Variants in POLA1 observed in about 807,000 individuals in gnomAD.
The protein encoded by POLA1 is DNA polymerase alpha 1, catalytic subunit.
POLA1 carries 15 observed loss-of-function variants against 124.0 expected under a neutral mutation model. The ratio of observed to expected loss-of-function variants is 0.12; its 90% CI spans 0.08 to 0.19. The LOEUF (loss-of-function observed/expected upper bound fraction) is 0.19, where lower values mean the gene tolerates loss of function less well. Ranked by LOEUF, POLA1 falls within the 10% of genes least tolerant of loss-of-function variation. The probability of loss-of-function intolerance (pLI) is 1.00; values close to 1 mark genes in which losing one functional copy is unlikely to be tolerated. For synonymous variants in POLA1, 408 were observed against 389.4 expected, an observed-to-expected ratio of 1.05 and a Z score of -0.56; for missense variants, 886 against 1,103.4, an observed-to-expected ratio of 0.80 and a Z score of 2.79.
At chrX:24,876,890 C>T (rs945084326) in intron 34 of POLA1, among the ~76,000 whole-genome samples, 1 of 111,839 alleles carries the variant, frequency 8.9e-6, no homozygotes, top group Non-Finnish European at 1.9e-5. Flanking sequence ...ATTTGTCATT[C>T]GTTCTTTGAC....
At chrX:24,959,440 G>A (rs2048145071) in intron 36 of POLA1, among the ~76,000 whole-genome samples, 1 of 108,167 alleles carries the variant, frequency 9.2e-6, no homozygotes, top group South Asian at 4.3e-4. Flanking sequence ...CCCCAGCCTG[G>A]GTGACAGAGC....
chrX:24,903,789 A>C (rs909334785), intron 35 of POLA1, among the ~76,000 whole-genome samples: 1 of 111,327 alleles, frequency 9.0e-6, no homozygotes, highest in African/African-American at 3.3e-5. Context: ...ATGGAGTAAG[A>C]ATAGTTCTTA....
intron 26 of POLA1, among the ~76,000 whole-genome samples, chrX:24,794,135 C>T (rs1785557655): frequency 9.1e-6 from 1 of 110,049 alleles, no homozygotes; most frequent in South Asian, 4.0e-4. Context: ...TGCCACCACA[C>T]CTGGCTAATT....
chrX:24,922,369 G>A (rs748518060), intron 35 of POLA1, among the ~76,000 whole-genome samples: 1 of 110,494 alleles, frequency 9.1e-6, no homozygotes, highest in Non-Finnish European at 1.9e-5. Flanking sequence ...ACAGGCTTGA[G>A]CCACTGTTCC....
chrX:24,889,090 G>A (rs1018351325), intron 35 of POLA1, among the ~76,000 whole-genome samples: 2 of 110,550 alleles, frequency 1.8e-5, no homozygotes, highest in Non-Finnish European at 3.8e-5. Context: ...GGCTCATCTC[G>A]GAGTCCTGGC....
rs766562139 is a variant in POLA1, at chrX:24,739,417, A to G, written c.2083A>G (p.Met695Val). The G allele has an allele frequency of 8.0e-5, 96 of 1,195,132 alleles. No individual in the cohort carries two copies. The Middle Eastern group carries it at 1.2e-3, about 14-fold the overall frequency. The change falls in exon 20 of 37, where the codon ATG (methionine) becomes GTG (valine). Residue 695 changes from methionine to valine, a missense_variant. Transcript: ENST00000379068. ...TGAAAGAAATGCTACCTGTGGTCGAATGATCTGTGATGTGGAAATTTCAGC... is the reference window on the plus strand; with the variant it reads ...TGAAAGAAATGCTACCTGTGGTCGAGTGATCTGTGATGTGGAAATTTCAGC... The part of the protein sequence containing the change: ...FGERNATCGR[M>V]ICDVEISAKE...
intron 10 of POLA1, among the ~76,000 whole-genome samples, chrX:24,721,692 G>A (rs1306804271): frequency 1.8e-5 from 2 of 111,888 alleles, no homozygotes; most frequent in East Asian, 2.8e-4. Context: ...ACTGCACCTG[G>A]TTTCAGCTAG....
In POLA1 at chrX:24,995,990, A is replaced by C. The variant is rs1309516700; in HGVS notation, c.*40A>C. ...TAACCAAGGAGGGGGTAGTTGAAAA[A>C]TCCCAGCTTCCTCTGTGCCTCCACT... On this transcript the variant is annotated 3_prime_UTR_variant, in exon 37 of 37. Coordinates refer to ENST00000379068, the MANE Select transcript of POLA1 (RefSeq NM_001330360.2). The C allele has an allele frequency of 2.6e-6, 3 of 1,156,985 alleles. No individual in the cohort carries two copies. In the Admixed American group the frequency reaches 6.7e-5, roughly 26 times the overall value.
At chrX:24,753,896 C>T (rs189516329) in intron 26 of POLA1, among the ~76,000 whole-genome samples, 1 of 112,354 alleles carries the variant, frequency 8.9e-6, no homozygotes, top group Non-Finnish European at 1.9e-5. Context: ...CATTTTCCTA[C>T]CTGATAGGCT....
intron 36 of POLA1, among the ~76,000 whole-genome samples, chrX:24,994,029 G>A (rs376256336): frequency 5.4e-5 from 6 of 112,056 alleles, no homozygotes; most frequent in South Asian, 7.5e-4. Flanking sequence ...CCCCTGCTCC[G>A]TATTACCGCA....
chrX:24,778,780 C>G (rs1304418536), intron 26 of POLA1, among the ~76,000 whole-genome samples: 1 of 111,425 alleles, frequency 9.0e-6, no homozygotes, highest in East Asian at 2.8e-4. Context: ...AAATTGCTCA[C>G]TTAAGGTCAT....
intron 36 of POLA1, among the ~76,000 whole-genome samples, chrX:24,989,717 G>A (rs989225199): frequency 1.8e-5 from 2 of 109,873 alleles, no homozygotes; most frequent in Non-Finnish European, 3.8e-5. Context: ...GTAGAATGCC[G>A]TGAAAGGTTT....
intron 36 of POLA1, among the ~76,000 whole-genome samples, chrX:24,951,195 C>T (rs1409790886): frequency 1.1e-5 from 1 of 89,087 alleles, no homozygotes; most frequent in African/African-American, 4.2e-5. Flanking sequence ...CCCCATTGCT[C>T]TCTGCACTTT....
At position 24,915,151 on chromosome X, in the gene POLA1, C is replaced by T. The variant is rs186305481; in HGVS notation, c.4165-15302C>T. Among the ~76,000 whole-genome samples the T allele has an allele frequency of 4.9e-3, 551 of 111,706 alleles. 3 individuals carry two copies. Among genetic ancestry groups the T allele is most frequent in the Non-Finnish European group, 6.9e-3 (365 of 53,119 alleles). Reference sequence around the variant, plus strand: ...GATGACTGAAGGCTCATACTGCCTCCAGTGGCTTCTGCTTAAGCCCCACCC... The same window carrying T: ...GATGACTGAAGGCTCATACTGCCTCTAGTGGCTTCTGCTTAAGCCCCACCC... On this transcript the variant is annotated intron_variant, in intron 35 of 36. Transcript: ENST00000379068.
chrX:24,770,732 A>T (rs935831926), intron 26 of POLA1, among the ~76,000 whole-genome samples: 21 of 110,541 alleles, frequency 1.9e-4, no homozygotes, highest in Admixed American at 1.7e-3. Flanking sequence ...TCTAATTCCA[A>T]CTCAGCTACT....
intron 32 of POLA1, among the ~76,000 whole-genome samples, chrX:24,840,572 A>G (rs1001965131): frequency 8.9e-6 from 1 of 112,377 alleles, no homozygotes; most frequent in Admixed American, 9.4e-5. Flanking sequence ...CTGAATTCTG[A>G]ATGCATCTGT....
intron 34 of POLA1, among the ~76,000 whole-genome samples, chrX:24,854,441 A>G (rs1259692313): frequency 1.8e-5 from 2 of 112,151 alleles, no homozygotes; most frequent in African/African-American, 3.2e-5. Flanking sequence ...AACACAGTGA[A>G]AAAACACCAA....
chrX:24,848,820 C>T (rs1325382407), intron 34 of POLA1, among the ~76,000 whole-genome samples: 1 of 112,450 alleles, frequency 8.9e-6, no homozygotes, highest in Non-Finnish European at 1.9e-5. Flanking sequence ...CTCCTGCCCA[C>T]ACCCATGTAA....
chrX:24,747,956 A>G (rs1336588283), intron 24 of POLA1, among the ~76,000 whole-genome samples: 4 of 111,217 alleles, frequency 3.6e-5, no homozygotes, highest in African/African-American at 1.3e-4. Flanking sequence ...GGATGGTCTC[A>G]ATCTCCTGAC....
Sources: gnomAD v4.1 joint callset for allele counts (sites outside exome capture counted in the v4.1 genomes callset) on GRCh38, gnomAD v4.1.1 for gene constraint, MANE v1.5 for transcripts, NCBI Gene and HGNC (gene_info 2026-07-23, HGNC 2026-07-21) for gene names.